Variants in XCR1 observed in about 807,000 individuals in gnomAD.
XCR1 encodes the protein chemokine XC receptor 1.
For missense variants in XCR1, 356 were observed against 424.2 expected (o/e 0.84, Z 1.41); for synonymous variants, 187 against 188.5 (o/e 0.99, Z 0.06).
intron 5 of XCR1, among the ~76,000 whole-genome samples, chr3:46,048,327 C>T (rs552047567): frequency 4.6e-5 from 7 of 152,242 alleles, no homozygotes; most frequent in East Asian, 3.9e-4. Flanking sequence ...GAAAACATAC[C>T]GCACAGGACA....
chr3:46,023,843 A>G (rs2125893691), intron 1 of XCR1: 1 of 1,526,812 alleles, frequency 6.5e-7, no homozygotes, highest in South Asian at 1.1e-5. Flanking sequence ...AGACGTGTGG[A>G]ATTCCTTGTG....
intron 5 of XCR1, among the ~76,000 whole-genome samples, chr3:46,034,549 C>T (rs1005500541): frequency 3.3e-5 from 5 of 151,902 alleles, no homozygotes; most frequent in Non-Finnish European, 7.4e-5. Context: ...TTAGGGGAAA[C>T]ACATCCAGTT....
intron 4 of XCR1, among the ~76,000 whole-genome samples, chr3:46,057,912 CTA>C (rs1697882493): frequency 6.8e-6 from 1 of 146,152 alleles, no homozygotes; most frequent in Non-Finnish European, 1.5e-5. Context: ...ATCTATCTAT[CTA>C]TCTATCTATC....
intron 1 of XCR1, among the ~76,000 whole-genome samples, chr3:46,026,366 C>T (rs867852119): frequency 1.3e-5 from 2 of 152,082 alleles, no homozygotes; most frequent in African/African-American, 4.8e-5. Flanking sequence ...ATCTCTGTGG[C>T]CCACCTCAAC....
chr3:46,042,341 G>A (rs937225237), intron 5 of XCR1, among the ~76,000 whole-genome samples: 1 of 152,066 alleles, frequency 6.6e-6, no homozygotes, highest in Non-Finnish European at 1.5e-5. Context: ...ATAATCAAAT[G>A]AGAGAATAGA....
At chr3:46,083,090 A>C (rs1027896465) in intron 1 of XCR1, among the ~76,000 whole-genome samples, 1 of 152,222 alleles carries the variant, frequency 6.6e-6, no homozygotes, top group Non-Finnish European at 1.5e-5. Context: ...AACTCATCAG[A>C]ATTCTTTTGT....
chr3:46,023,195 T>A (rs973422243), intron 1 of XCR1: 47 of 470,286 alleles, frequency 1.0e-4, no homozygotes, highest in African/African-American at 8.8e-4. Context: ...AGATTGTTGC[T>A]CCCTCTGCGC....
intron 5 of XCR1, among the ~76,000 whole-genome samples, chr3:46,053,334 G>A (rs35739919): frequency 0.021 from 2,744 of 128,104 alleles, 566 homozygotes; most frequent in African/African-American, 0.094. Context: ...GGAAAAGCAC[G>A]AGGTCCTAAG....
chr3:46,065,181 T>C (rs1175604449), intron 4 of XCR1, among the ~76,000 whole-genome samples: 1 of 152,130 alleles, frequency 6.6e-6, no homozygotes, highest in Non-Finnish European at 1.5e-5. Flanking sequence ...AATTATAAGA[T>C]CTAATAAAAT....
intron 1 of XCR1, chr3:46,023,918 G>C: frequency 1.3e-6 from 2 of 1,497,818 alleles, no homozygotes; most frequent in Non-Finnish European, 9.2e-7. Flanking sequence ...TTCTAAAAAG[G>C]TCCAGTAGAA....
chr3:46,065,299 C>T (rs906868664), intron 4 of XCR1, among the ~76,000 whole-genome samples: 4 of 152,144 alleles, frequency 2.6e-5, no homozygotes, highest in African/African-American at 9.7e-5. Flanking sequence ...TTCCCACCTT[C>T]ACCCATCCCG....
chr3:46,021,075 C>T lies in XCR1; in HGVS notation c.873G>A (p.Gly291=). 6.2e-7 allele frequency: 1 copy of T among 1,614,208 alleles called. No homozygotes were observed. The highest frequency in any genetic ancestry group is 8.5e-7 in the Non-Finnish European group (1 of 1,180,046). ...CFNPVLYVFV[G]VKFRTHLKHV... Reference sequence around the variant, plus strand: ...GTTTCAGGTGTGTGCGGAACTTGACCCCCACGAAGACATAGAGCACCGGGT... The same window carrying T: ...GTTTCAGGTGTGTGCGGAACTTGACTCCCACGAAGACATAGAGCACCGGGT... The change falls in exon 2 of 2, where the codon GGG becomes GGA. Residue 291 remains glycine, a synonymous_variant. Coordinates refer to ENST00000309285, the MANE Select transcript of XCR1 (RefSeq NM_001024644.2). The surrounding 1 kb of genome is among the most constrained non-coding windows in gnomAD (Gnocchi z 4.7).
chr3:46,054,147 C>G (rs562750110), intron 4 of XCR1, among the ~76,000 whole-genome samples: 2 of 152,100 alleles, frequency 1.3e-5, no homozygotes, highest in Non-Finnish European at 2.9e-5. Context: ...TCAGGGAGCA[C>G]CTTGCCTCTA....
intron 1 of XCR1, chr3:46,024,184 G>T: frequency 2.3e-6 from 1 of 441,502 alleles, no homozygotes; most frequent in Non-Finnish European, 4.1e-6. Context: ...GAGGGGAGAA[G>T]AGGAAATAAT....
chr3:46,065,767 A>G (rs945661874), intron 4 of XCR1, among the ~76,000 whole-genome samples: 2 of 152,220 alleles, frequency 1.3e-5, no homozygotes, highest in African/African-American at 4.8e-5. Context: ...GAGAATGACC[A>G]AGGTTAGCAC....
At chr3:46,060,048 A>C (rs575366575) in intron 4 of XCR1, among the ~76,000 whole-genome samples, 1 of 152,364 alleles carries the variant, frequency 6.6e-6, no homozygotes, top group African/African-American at 2.4e-5. Context: ...AAGAGGGAAA[A>C]ACTCAAAAAT....
rs185650581 is a variant in XCR1, at chr3:46,064,569, T to G, written c.-183+2330A>C. ...GTGGCTGGAGTGACATTCTTGGACTTGTAGCTCATAAGAAGCCTTGCAGCT... is the reference window on the plus strand; with the variant it reads ...GTGGCTGGAGTGACATTCTTGGACTGGTAGCTCATAAGAAGCCTTGCAGCT... On this transcript the variant is annotated intron_variant, in intron 4 of 5. Transcript: ENST00000683768. Among the ~76,000 whole-genome samples the G allele has an allele frequency of 4.7e-3, 711 of 152,308 alleles. 26 individuals carry two copies. The highest frequency in any genetic ancestry group is 0.042 in the Admixed American group (643 of 15,310).
chr3:46,037,951 T>C (rs924486895), intron 5 of XCR1, among the ~76,000 whole-genome samples: 11 of 152,106 alleles, frequency 7.2e-5, no homozygotes, highest in African/African-American at 2.7e-4. Context: ...AAAAAATGTA[T>C]AGTGCTATCA....
chr3:46,021,006 G>C lies in XCR1; in HGVS notation c.942C>G (p.Ser314Arg), dbSNP rs1559478261. The C allele has an allele frequency of 1.2e-6, 2 of 1,613,176 alleles. No homozygotes were observed. The highest frequency in any genetic ancestry group is 1.7e-5 in the Admixed American group (1 of 59,876). Residue 314 changes from serine to arginine, a missense_variant, in exon 2 of 2, where the codon AGC (serine) becomes AGG (arginine). Physicochemically the swap from Ser to Arg is moderately radical, Grantham distance 110 (BLOSUM62 -1). Coordinates refer to ENST00000309285, the MANE Select transcript of XCR1 (RefSeq NM_001024644.2). This position sits in a 1 kb window ranked among gnomAD's most constrained non-coding sequence, Gnocchi z 4.7. ...CAGGGGAGTGGGGGATCGAGGCTGG[G>C]CTGGGTGCCTGCAGCCGGCAGAACC... Reference protein sequence around the residue: ...QFWFCRLQAPSPASIPHSPGA... With the variant: ...QFWFCRLQAPRPASIPHSPGA...
Sources: allele counts gnomAD v4.1 joint callset (sites outside exome capture counted in the v4.1 genomes callset), GRCh38; gene constraint gnomAD v4.1.1; non-coding constraint Gnocchi (gnomAD v3.1); transcripts MANE v1.5; gene names NCBI Gene and HGNC (gene_info 2026-07-23, HGNC 2026-07-21).